The following STC2 variants were observed in gnomAD, a reference collection of about 807,000 sequenced individuals.
STC2 encodes stanniocalcin-2.
A neutral mutation model predicts 22.7 loss-of-function variants in STC2; 7 were observed. That is an observed-to-expected ratio of 0.31 (90% CI 0.18 to 0.58). The LOEUF is 0.58. Ranked by LOEUF, STC2 falls within the 20% of genes least tolerant of loss-of-function variation. The probability of loss-of-function intolerance (pLI) is 0.89; values close to 1 mark genes in which losing one functional copy is unlikely to be tolerated. For synonymous variants in STC2, 158 were observed against 163.4 expected, an observed-to-expected ratio of 0.97 and a Z score of 0.25; for missense variants, 336 against 406.2, an observed-to-expected ratio of 0.83 and a Z score of 1.48.
rs147825251 is a variant in STC2, at chr5:173,323,666, C to T, written c.295-236G>A. 1.7e-3 allele frequency among the ~76,000 whole-genome samples: 256 copies of T among 152,286 alleles called. 2 individuals are homozygous for T. The highest frequency in any genetic ancestry group is 5.7e-3 in the African/African-American group (235 of 41,572). On this transcript the variant is annotated intron_variant, in intron 2 of 3. Coordinates refer to ENST00000265087, the MANE Select transcript of STC2 (RefSeq NM_003714.3). This position sits in a 1 kb window ranked among gnomAD's most constrained non-coding sequence, Gnocchi z 5.4. The stretch of plus-strand genomic sequence containing the variant: ...CAACAAGGGATGTTCATTCTGTAGA[C>T]GAACACATCTCCCTCCTTCCTCCCT...
chr5:173,318,326 GGAC>G, intron 3 of STC2, 77 bp from the exon 4 acceptor site: 1 of 1,316,902 alleles, frequency 7.6e-7, no homozygotes, highest in Non-Finnish European at 9.7e-7. Context: ...AGTCCCGAAT[GGAC>G]CACAGAGGGC....
intron 3 of STC2, among the ~76,000 whole-genome samples, 193 bp from the exon 4 acceptor site, chr5:173,318,442 T>C (rs971153087): frequency 5.9e-5 from 9 of 152,192 alleles, no homozygotes; most frequent in African/African-American, 1.9e-4. Context: ...TATGGAGTAC[T>C]GGCCTCAACC....
chr5:173,325,754 C>T lies in STC2; in HGVS notation c.294+114G>A. 3.4e-6 allele frequency: 5 copies of T among 1,481,636 alleles called. No homozygotes were observed. Among genetic ancestry groups the T allele is most frequent in the Non-Finnish European group, 4.6e-6 (5 of 1,077,732 alleles). 91.8% of individuals were successfully genotyped at this position (1,481,636 alleles called of 1,614,324 possible). A position where few individuals can be genotyped will look rare whatever the true frequency, so the allele number is the denominator to read the frequency against. On this transcript the variant is annotated intron_variant, in intron 2 of 3. Coordinates refer to ENST00000265087, the MANE Select transcript of STC2 (RefSeq NM_003714.3). The surrounding 1 kb of genome is among the most constrained non-coding windows in gnomAD (Gnocchi z 4.7). ...ATACCTAGACTGTCGCTTGCAAGCA[C>T]TAAAACACACCACAAGGAACAGCAA... is the stretch of plus-strand genomic sequence containing the variant.
Position 173,325,812 on chromosome 5 carries a change from G to T in STC2, c.294+56C>A. 1 of 1,607,074 alleles carries T rather than the reference G, an allele frequency of 6.2e-7. No homozygotes were observed. The highest frequency in any genetic ancestry group is 1.1e-5 in the South Asian group (1 of 90,820). On this transcript the variant is annotated intron_variant, in intron 2 of 3. Transcript: ENST00000265087. This position sits in a 1 kb window ranked among gnomAD's most constrained non-coding sequence, Gnocchi z 4.7. ...TGGTTAACAAGGCTTTCCAATGAAC[G>T]TTTCAATCATGTATGCTCACCCCAA...
rs193154184 is a variant in STC2 at position 173,323,381 on chromosome 5, C to T, written c.344G>A (p.Arg115Gln). Residue 115 changes from arginine to glutamine, a missense_variant, in exon 3 of 4, where the codon CGG becomes CAG. Around this residue, in one of 3 missense-constraint regions of STC2, gnomAD observed 22 missense variants for 52.0 expected, o/e 0.42. Coordinates refer to ENST00000265087, the MANE Select transcript of STC2 (RefSeq NM_003714.3). This position sits in a 1 kb window ranked among gnomAD's most constrained non-coding sequence, Gnocchi z 5.4. ...CCGGCTTATGCAGCCGAACCTGTGC[C>T]GCAGAGCGTGGGCCTTACATTTCAA... ...DALKCKAHAL[R>Q]HRFGCISRKC... The T allele has an allele frequency of 2.5e-5, 40 of 1,614,004 alleles. No homozygotes were observed. Among genetic ancestry groups the T allele is most frequent in the Admixed American group, 8.3e-5 (5 of 59,998 alleles).
At position 173,314,913 on chromosome 5, in the gene STC2, C is replaced by G. The variant is rs1364730614; in HGVS notation, c.*2934G>C. Reference sequence around the variant, plus strand: ...CCACTGGAAGCATTGTTTTTCCATGCTATTTCCGTGAAGCCTTTTGCTTGG... The same window carrying G: ...CCACTGGAAGCATTGTTTTTCCATGGTATTTCCGTGAAGCCTTTTGCTTGG... On this transcript the variant is annotated 3_prime_UTR_variant, in exon 4 of 4. Transcript: ENST00000265087. This position sits in a 1 kb window ranked among gnomAD's most constrained non-coding sequence, Gnocchi z 4.6. 5 of 152,176 alleles carry G rather than the reference C, an allele frequency of 3.3e-5. No individual in the cohort carries two copies. The highest frequency in any genetic ancestry group is 1.2e-4 in the African/African-American group (5 of 41,434). 9.4% of individuals were successfully genotyped at this position (152,176 alleles called of 1,614,324 possible).
In STC2 at chr5:173,325,913, C is replaced by T. The variant is rs753936878; in HGVS notation, c.249G>A (p.Gly83=). 1.2e-6 allele frequency: 2 copies of T among 1,614,150 alleles called. No individual in the cohort carries two copies. The highest frequency in any genetic ancestry group is 1.7e-6 in the Non-Finnish European group (2 of 1,180,038). The change falls in exon 2 of 4, where the codon GGG becomes GGA. Residue 83 remains glycine, a synonymous_variant. Transcript: ENST00000265087. The surrounding 1 kb of genome is among the most constrained non-coding windows in gnomAD (Gnocchi z 4.7). The stretch of plus-strand genomic sequence containing the variant: ...CGTTGTGCAGAAAAGTCATGCAAAT[C>T]CCATGTAAGCCCCGAATCTCACAAG... ...NNSCEIRGLH[G]ICMTFLHNAG... is the part of the protein sequence containing the mutation.
rs752068244 is a variant in STC2 at position 173,317,812 on chromosome 5, C to T, written c.*35G>A. 88 of 1,522,338 alleles carry T rather than the reference C, an allele frequency of 5.8e-5. No individual in the cohort carries two copies. The Admixed American group carries it at 1.7e-3, about 29-fold the overall frequency. 94.3% of individuals were successfully genotyped at this position (1,522,338 alleles called of 1,614,324 possible). A position where few individuals can be genotyped will look rare whatever the true frequency, so the allele number is the denominator to read the frequency against. On this transcript the variant is annotated 3_prime_UTR_variant, in exon 4 of 4. Coordinates refer to ENST00000265087, the MANE Select transcript of STC2 (RefSeq NM_003714.3). ...TGTCCATAGATAAGAAAATGGACGG[C>T]GTGGAGGAAAGATTTCGTGGCCAGG... is the stretch of plus-strand genomic sequence containing the variant.
rs1762537377 is a variant in STC2, at chr5:173,325,628, T to C, written c.294+240A>G. Among the ~76,000 whole-genome samples the C allele has an allele frequency of 6.6e-6, 1 of 152,210 alleles. No homozygotes were observed. The highest frequency in any genetic ancestry group is 1.5e-5 in the Non-Finnish European group (1 of 68,042). On this transcript the variant is annotated intron_variant, in intron 2 of 3. Coordinates refer to ENST00000265087, the MANE Select transcript of STC2 (RefSeq NM_003714.3). This position sits in a 1 kb window ranked among gnomAD's most constrained non-coding sequence, Gnocchi z 4.7. ...GGTGGCCAGACACAGCGTGTCCCCT[T>C]ACAAGGTGTTTATCGTTTATTATGA... is the stretch of plus-strand genomic sequence containing the variant.
At chr5:173,326,406 T>G (rs1225975552) in intron 1 of STC2, among the ~76,000 whole-genome samples, 5 of 152,244 alleles carry the variant, frequency 3.3e-5, no homozygotes, top group African/African-American at 1.2e-4. Flanking sequence ...ACTTCATCAA[T>G]GAAGTACCCT....
intron 3 of STC2, among the ~76,000 whole-genome samples, chr5:173,320,897 G>T (rs998419085): frequency 4.2e-4 from 64 of 150,860 alleles, no homozygotes; most frequent in African/African-American, 1.5e-3. Context: ...AGTTAAGATG[G>T]TTGGGAAAAA....
In STC2 at chr5:173,327,310, G is replaced by C. The variant is rs114500052; in HGVS notation, c.151+733C>G. Among the ~76,000 whole-genome samples the C allele has an allele frequency of 4.9e-3, 747 of 152,380 alleles. 8 individuals are homozygous for C. Among genetic ancestry groups the C allele is most frequent in the African/African-American group, 0.016 (678 of 41,592 alleles). ...GTAGGCAGATTTTCTTTCTCTTTCC[G>C]AGCTGGGAAAAGGGCCAGCCCCGTG... On this transcript the variant is annotated intron_variant, in intron 1 of 3. Coordinates refer to ENST00000265087, the MANE Select transcript of STC2 (RefSeq NM_003714.3).
chr5:173,325,825 A>G lies in STC2; in HGVS notation c.294+43T>C. Reference sequence around the variant, plus strand: ...TTTCCAATGAACGTTTCAATCATGTATGCTCACCCCAAACATTCTTCATGC... The same window carrying G: ...TTTCCAATGAACGTTTCAATCATGTGTGCTCACCCCAAACATTCTTCATGC... On this transcript the variant is annotated intron_variant, in intron 2 of 3. Coordinates refer to ENST00000265087, the MANE Select transcript of STC2 (RefSeq NM_003714.3). The surrounding 1 kb of genome is among the most constrained non-coding windows in gnomAD (Gnocchi z 4.7). The G allele has an allele frequency of 6.2e-7, 1 of 1,612,568 alleles. No individual in the cohort carries two copies. Among genetic ancestry groups the G allele is most frequent in the Non-Finnish European group, 8.5e-7 (1 of 1,178,592 alleles).
At chr5:173,320,030 C>T (rs1021594185) in intron 3 of STC2, among the ~76,000 whole-genome samples, 10 of 152,206 alleles carry the variant, frequency 6.6e-5, no homozygotes, top group Non-Finnish European at 1.2e-4. Flanking sequence ...TAGAAACTGC[C>T]TCCGGAGCTC....
In STC2 at chr5:173,322,760, TGGA is replaced by T. The variant is rs571367441; in HGVS notation, c.506+456_506+458del. 1.7e-3 allele frequency among the ~76,000 whole-genome samples: 261 copies of T among 152,310 alleles called. 2 individuals are homozygous for T. The highest frequency in any genetic ancestry group is 5.8e-3 in the African/African-American group (241 of 41,566). On this transcript the variant is annotated intron_variant, in intron 3 of 3. Coordinates refer to ENST00000265087, the MANE Select transcript of STC2 (RefSeq NM_003714.3). The stretch of plus-strand genomic sequence containing the variant: ...AGTCTCAGTTTTCTCATCTGTCAAA[TGGA>T]GGTGACGAGGGCTGTGGTGAGGATC...
intron 3 of STC2, among the ~76,000 whole-genome samples, chr5:173,321,074 G>A (rs924009708): frequency 6.6e-6 from 1 of 152,080 alleles, no homozygotes; most frequent in Non-Finnish European, 1.5e-5. Flanking sequence ...ATGTGACCAG[G>A]CTTCTTATAT....
In STC2 at chr5:173,325,976, A is replaced by G. The variant is rs1448094852; in HGVS notation, c.186T>C (p.Asp62=). ...EIQHCLVNAG[D]VGCGVFECFE... is the part of the protein sequence containing the mutation. ...AACATTCAAACACGCCACACCCCAC[A>G]TCGCCAGCGTTGACCAAACAGTGCT... Residue 62 remains aspartate (D), a synonymous_variant, in exon 2 of 4, where the codon GAT becomes GAC. Coordinates refer to ENST00000265087, the MANE Select transcript of STC2 (RefSeq NM_003714.3). This position sits in a 1 kb window ranked among gnomAD's most constrained non-coding sequence, Gnocchi z 4.7. The G allele has an allele frequency of 3.7e-6, 6 of 1,614,210 alleles. No homozygotes were observed. The highest frequency in any genetic ancestry group is 4.2e-6 in the Non-Finnish European group (5 of 1,180,052).
In STC2 at chr5:173,315,765, C is replaced by G. The variant is rs1369473261; in HGVS notation, c.*2082G>C. ...GTTTACACTCGTTCCCATGGCAGAG[C>G]CTGACACACAGGTCCTCCTCCCCCC... On this transcript the variant is annotated 3_prime_UTR_variant, in exon 4 of 4. Transcript: ENST00000265087. 1 of 152,258 alleles carries G rather than the reference C, an allele frequency of 6.6e-6. No individual in the cohort carries two copies. The highest frequency in any genetic ancestry group is 1.5e-5 in the Non-Finnish European group (1 of 68,082). 9.4% of individuals were successfully genotyped at this position (152,258 alleles called of 1,614,324 possible). A position where few individuals can be genotyped will look rare whatever the true frequency, so the allele number is the denominator to read the frequency against.
At position 173,318,094 on chromosome 5, in the gene STC2, G is replaced by T; in HGVS notation, c.662C>A (p.Ala221Glu). The T allele has an allele frequency of 6.2e-7, 1 of 1,607,248 alleles. No homozygotes were observed. The highest frequency in any genetic ancestry group is 8.5e-7 in the Non-Finnish European group (1 of 1,177,792). The change falls in exon 4 of 4, where the codon GCG becomes GAG. Residue 221 changes from alanine to glutamate, a missense_variant. This residue lies in a region of STC2 where 215 missense variants were observed against 231.5 expected (regional missense o/e 0.93). Transcript: ENST00000265087. Reference sequence around the variant, plus strand: ...CACCTGGGGCTGGCGCTCGGGGGGCGCCGTGGGAGGCTTCTGGATGGCCGA... The same window carrying T: ...CACCTGGGGCTGGCGCTCGGGGGGCTCCGTGGGAGGCTTCTGGATGGCCGA... ...CTSAIQKPPT[A>E]PPERQPQVDR...
Sources: gnomAD v4.1 joint callset for allele counts (sites outside exome capture counted in the v4.1 genomes callset) on GRCh38, gnomAD v4.1.1 for gene constraint, gnomAD v4.1.1 regional missense constraint, Gnocchi (gnomAD v3.1) non-coding constraint, MANE v1.5 for transcripts, NCBI Gene and HGNC (gene_info 2026-07-23, HGNC 2026-07-21) for gene names.